MSH4: variants seen among roughly 807,000 people sequenced by gnomAD.
MSH4 encodes the protein mutS protein homolog 4.
Under a neutral mutation model 113.7 loss-of-function variants are expected in MSH4, and 106 were observed. That is an observed-to-expected ratio of 0.93 (90% confidence interval 0.80 to 1.10). The LOEUF (loss-of-function observed/expected upper bound fraction) is 1.10, where lower values mean the gene tolerates loss of function less well. Among genes scored for constraint, MSH4 ranks in the 50% least tolerant of loss-of-function variants. The probability of loss-of-function intolerance (pLI) is 0.00; values close to 1 mark genes in which losing one functional copy is unlikely to be tolerated. For missense variants in MSH4, 1,061 were observed against 1,093.7 expected (o/e 0.97, Z 0.42); for synonymous variants, 368 against 380.2 (o/e 0.97, Z 0.37).
At position 75,898,035 on chromosome 1, in the gene MSH4, G is replaced by A; in HGVS notation, c.2484G>A (p.Leu828=). Residue 828 remains leucine (L), a synonymous_variant, in exon 18 of 20, where the codon TTG becomes TTA. Coordinates refer to ENST00000263187, the MANE Select transcript of MSH4 (RefSeq NM_002440.4). ...KNTSRNKEAI[L]YTYKLSKGLT... is the part of the protein sequence containing the mutation. Reference sequence around the variant, plus strand: ...CCTCAAGAAATAAAGAAGCAATTTTGTATACCTACAAACTTTCTAAGGGAC... The same window carrying A: ...CCTCAAGAAATAAAGAAGCAATTTTATATACCTACAAACTTTCTAAGGGAC... 1 of 1,602,316 alleles carries A rather than the reference G, an allele frequency of 6.2e-7. No homozygotes were observed. The highest frequency in any genetic ancestry group is 1.1e-5 in the South Asian group (1 of 88,062).
rs377355798 is a variant in MSH4, at chr1:75,807,487, C to T, written c.588+346C>T. Reference sequence around the variant, plus strand: ...TCCTTAAAGACACAATCCCAAATGCCATAATCCCGATGTTCAAATCTTGAA... The same window carrying T: ...TCCTTAAAGACACAATCCCAAATGCTATAATCCCGATGTTCAAATCTTGAA... On this transcript the variant is annotated intron_variant, in intron 3 of 19. Transcript: ENST00000263187. Among the ~76,000 whole-genome samples the T allele has an allele frequency of 3.8e-4, 58 of 152,174 alleles. 1 individual carries two copies. Among genetic ancestry groups the T allele is most frequent in the African/African-American group, 1.4e-3 (57 of 41,516 alleles).
chr1:75,861,046 A>C (rs1402438254), intron 8 of MSH4, among the ~76,000 whole-genome samples: 1 of 151,996 alleles, frequency 6.6e-6, no homozygotes, highest in Non-Finnish European at 1.5e-5. Context: ...TCTTCACTTG[A>C]TCGAATCAGC....
chr1:75,842,094 A>G (rs1243943910), intron 7 of MSH4, among the ~76,000 whole-genome samples: 1 of 152,196 alleles, frequency 6.6e-6, no homozygotes, highest in African/African-American at 2.4e-5. Flanking sequence ...TTTAAGAAGT[A>G]CAATGGTTTG....
chr1:75,866,948 G>A (rs1345160760), intron 8 of MSH4, among the ~76,000 whole-genome samples: 2 of 152,046 alleles, frequency 1.3e-5, no homozygotes, highest in Admixed American at 1.3e-4. Flanking sequence ...TCCAGGTTTG[G>A]TAACACTGCC....
At chr1:75,879,697 G>A (rs1651890150) in intron 12 of MSH4, among the ~76,000 whole-genome samples, 1 of 152,132 alleles carries the variant, frequency 6.6e-6, no homozygotes, top group Non-Finnish European at 1.5e-5. Flanking sequence ...GACAAGGGCT[G>A]CGACAGGGGT....
At chr1:75,823,991 C>G (rs1459548723) in intron 7 of MSH4, among the ~76,000 whole-genome samples, 2 of 152,196 alleles carry the variant, frequency 1.3e-5, no homozygotes, top group Middle Eastern at 6.8e-3. Context: ...GGTATATACT[C>G]AGTAATGGGA....
At chr1:75,818,534 C>T (rs1226437727) in intron 6 of MSH4, among the ~76,000 whole-genome samples, 4 of 152,182 alleles carry the variant, frequency 2.6e-5, no homozygotes, top group Non-Finnish European at 5.9e-5. Context: ...CAAGTTAATA[C>T]TTTTAAAATG....
At chr1:75,843,214 T>C (rs1245372352) in intron 7 of MSH4, among the ~76,000 whole-genome samples, 3 of 152,198 alleles carry the variant, frequency 2.0e-5, no homozygotes, top group African/African-American at 7.2e-5. Flanking sequence ...TTGTATCCAA[T>C]AAATAACAGC....
chr1:75,804,450 A>G (rs1650011931), intron 2 of MSH4, among the ~76,000 whole-genome samples: 1 of 150,958 alleles, frequency 6.6e-6, no homozygotes, highest in African/African-American at 2.4e-5. Context: ...TTAAGTTTAT[A>G]TTAGATCTAC....
intron 7 of MSH4, among the ~76,000 whole-genome samples, chr1:75,825,930 T>G (rs1319729557): frequency 6.6e-6 from 1 of 152,150 alleles, no homozygotes; most frequent in Non-Finnish European, 1.5e-5. Context: ...ATTTTCTTTT[T>G]TTGTTGTGTC....
chr1:75,902,703 A>AGTTTTTT (rs1652534005), intron 19 of MSH4, among the ~76,000 whole-genome samples: 1 of 41,446 alleles, frequency 2.4e-5, no homozygotes, highest in Non-Finnish European at 4.5e-5. Context: ...ATATATATAT[A>AGTTTTTT]TATATATATA....
chr1:75,869,265 T>A (rs1299817708), intron 9 of MSH4, among the ~76,000 whole-genome samples: 1 of 152,040 alleles, frequency 6.6e-6, no homozygotes, highest in East Asian at 1.9e-4. Context: ...AGAGAGAGGG[T>A]ATCCAGGGGG....
chr1:75,846,430 C>T (rs1232820872), intron 7 of MSH4, among the ~76,000 whole-genome samples: 1 of 152,182 alleles, frequency 6.6e-6, no homozygotes, highest in Non-Finnish European at 1.5e-5. Flanking sequence ...AGAAGCTATG[C>T]AACATCTTGA....
At chr1:75,910,660 C>T (rs1652769953) in intron 19 of MSH4, among the ~76,000 whole-genome samples, 1 of 152,064 alleles carries the variant, frequency 6.6e-6, no homozygotes, top group Non-Finnish European at 1.5e-5. Flanking sequence ...AAAATCTGCA[C>T]TTGGTGATCT....
At chr1:75,897,380 A>G (rs2100587855) in intron 17 of MSH4, among the ~76,000 whole-genome samples, 1 of 152,280 alleles carries the variant, frequency 6.6e-6, no homozygotes, top group South Asian at 2.1e-4. Flanking sequence ...TTCCTCTACC[A>G]GTACCTAACC....
intron 19 of MSH4, among the ~76,000 whole-genome samples, chr1:75,903,779 T>C (rs974426551): frequency 6.6e-6 from 1 of 152,088 alleles, no homozygotes; most frequent in African/African-American, 2.4e-5. Flanking sequence ...GTGGAGTCTT[T>C]AGGGTTTTCT....
In MSH4 at chr1:75,797,030, G is replaced by A. The variant is rs142239394; in HGVS notation, c.45G>A (p.Ala15=). ...EISSTSPSAP[A]VSPSSGETRS... is the part of the protein sequence containing the mutation. The stretch of plus-strand genomic sequence containing the variant: ...CATCAACCTCGCCTTCTGCCCCGGC[G>A]GTTTCCCCGTCGTCGGGAGAAACCC... The change falls in exon 1 of 20, where the codon GCG becomes GCA. Residue 15 remains alanine (A), a synonymous_variant. Coordinates refer to ENST00000263187, the MANE Select transcript of MSH4 (RefSeq NM_002440.4). The A allele has an allele frequency of 6.2e-7, 1 of 1,614,084 alleles. No individual in the cohort carries two copies. The highest frequency in any genetic ancestry group is 2.2e-5 in the East Asian group (1 of 44,870).
intron 7 of MSH4, 89 bp downstream of exon 7, chr1:75,822,670 AG>A: frequency 1.5e-6 from 1 of 655,994 alleles, no homozygotes; most frequent in Non-Finnish European, 2.3e-6. Context: ...AAAGACAAGT[AG>A]TGAAGGTGTT....
chr1:75,848,863 T>A (rs1454611029), intron 8 of MSH4, among the ~76,000 whole-genome samples: 2 of 152,198 alleles, frequency 1.3e-5, no homozygotes, highest in East Asian at 3.8e-4. Context: ...ACTAACTAAC[T>A]AAAATATATT....
Sources: gnomAD v4.1 joint callset for allele counts (sites outside exome capture counted in the v4.1 genomes callset) on GRCh38, gnomAD v4.1.1 for gene constraint, MANE v1.5 for transcripts, NCBI Gene and HGNC (gene_info 2026-07-23, HGNC 2026-07-21) for gene names.